NSD3: variants seen among roughly 807,000 people sequenced by gnomAD.
NSD3 encodes the protein nuclear receptor binding SET domain protein 3, also known as histone-lysine N-methyltransferase NSD3.
In NSD3, 24 loss-of-function variants were observed where a neutral mutation model predicts 160.8. The ratio of observed to expected loss-of-function variants is 0.15; its 90% confidence interval spans 0.11 to 0.21. The LOEUF (loss-of-function observed/expected upper bound fraction) is 0.21, where lower values mean the gene tolerates loss of function less well. Ranked by LOEUF, NSD3 falls within the 10% of genes least tolerant of loss-of-function variation. The pLI is 1.00. For synonymous variants in NSD3, 520 were observed against 600.0 expected (o/e 0.87, Z 1.95); for missense variants, 1,157 against 1,735.9 (o/e 0.67, Z 5.93).
In NSD3 at chr8:38,362,205, C is replaced by T. The variant is rs182549140; in HGVS notation, c.-44-13990G>A. On this transcript the variant is annotated intron_variant, in intron 1 of 23. Transcript: ENST00000317025. ...CCAGAGCCAACTATAGTGCCTGGCA[C>T]ATTATCAATAAACAAATCAATCCAA... Among the ~76,000 whole-genome samples the T allele has an allele frequency of 1.5e-3, 183 of 121,334 alleles. 1 individual carries two copies. The highest frequency in any genetic ancestry group is 5.4e-3 in the African/African-American group (167 of 30,700). The allele number at this position is 121,334 out of a possible 152,430, so 79.6% of individuals were successfully genotyped here.
At chr8:38,368,706 C>T (rs891534219) in intron 1 of NSD3, among the ~76,000 whole-genome samples, 1 of 152,162 alleles carries the variant, frequency 6.6e-6, no homozygotes, top group Non-Finnish European at 1.5e-5. Flanking sequence ...TTAACCTCAA[C>T]TGTCTTCGCT....
intron 12 of NSD3, among the ~76,000 whole-genome samples, chr8:38,313,306 T>C (rs1809577159): frequency 6.6e-6 from 1 of 152,114 alleles, no homozygotes; most frequent in Admixed American, 6.6e-5. Flanking sequence ...AAGACCATGG[T>C]AAAGAAAAAA....
intron 1 of NSD3, among the ~76,000 whole-genome samples, chr8:38,368,631 T>C (rs1350391871): frequency 2.0e-5 from 3 of 152,208 alleles, no homozygotes; most frequent in Admixed American, 6.5e-5. Context: ...CACATTACTA[T>C]TGAACTGCCT....
intron 2 of NSD3, among the ~76,000 whole-genome samples, chr8:38,343,013 G>A (rs1013932450): frequency 4.6e-5 from 7 of 151,444 alleles, no homozygotes; most frequent in East Asian, 4.0e-4. Context: ...CCAACATGGC[G>A]AAACCCCGTC....
intron 23 of NSD3, 146 bp from the exon 24 acceptor site, chr8:38,276,028 C>CT: frequency 1.2e-6 from 1 of 839,138 alleles, no homozygotes; most frequent in Non-Finnish European, 1.8e-6. Context: ...AAACATAGAT[C>CT]TGGGTGTACA....
chr8:38,284,096 G>A (rs188569753), intron 19 of NSD3, among the ~76,000 whole-genome samples: 20 of 151,926 alleles, frequency 1.3e-4, no homozygotes, highest in African/African-American at 4.6e-4. Flanking sequence ...GGGCAAGACT[G>A]TTTCAAGGAA....
At chr8:38,328,135 A>C (rs1248264565) in intron 6 of NSD3, among the ~76,000 whole-genome samples, 5 of 152,252 alleles carry the variant, frequency 3.3e-5, no homozygotes, top group African/African-American at 1.2e-4. Flanking sequence ...GCAGTGAGCT[A>C]TTATTGACCA....
At chr8:38,345,929 A>C (rs1008253748) in intron 2 of NSD3, among the ~76,000 whole-genome samples, 1 of 152,112 alleles carries the variant, frequency 6.6e-6, no homozygotes, top group Non-Finnish European at 1.5e-5. Flanking sequence ...AAAATAAAAT[A>C]AAATCTAAAC....
intron 6 of NSD3, among the ~76,000 whole-genome samples, chr8:38,327,442 C>A (rs993238932): frequency 6.6e-6 from 1 of 152,102 alleles, no homozygotes; most frequent in African/African-American, 2.4e-5. Flanking sequence ...GCAACCTCTG[C>A]CTCGTCCCAG....
chr8:38,336,106 A>G (rs1810209124), intron 4 of NSD3: 1 of 152,278 alleles, frequency 6.6e-6, no homozygotes, highest in South Asian at 2.1e-4. Context: ...GCCTTGCCAG[A>G]CATAAAGAGA....
In NSD3 at chr8:38,316,355, T is replaced by C. The variant is rs961501145; in HGVS notation, c.1856-313A>G. ...GAAAATTGCAGGATAGCTGATGGAT[T>C]TGGAGCAATTCAAAGAACCATTCAA... On this transcript the variant is annotated intron_variant, in intron 9 of 23. Coordinates refer to ENST00000317025, the MANE Select transcript of NSD3 (RefSeq NM_023034.2). The surrounding 1 kb of genome is among the most constrained non-coding windows in gnomAD (Gnocchi z 4.5). The C allele has an allele frequency of 3.7e-6, 4 of 1,094,454 alleles. No individual in the cohort carries two copies. Among genetic ancestry groups the C allele is most frequent in the Non-Finnish European group, 4.5e-6 (4 of 892,270 alleles). The allele number at this position is 1,094,454 out of a possible 1,614,324, so 67.8% of individuals were successfully genotyped here.
At chr8:38,323,208 C>T (rs558252517) in intron 7 of NSD3, among the ~76,000 whole-genome samples, 7 of 152,224 alleles carry the variant, frequency 4.6e-5, no homozygotes, top group Admixed American at 4.6e-4. Context: ...GCGTGCGCCA[C>T]CATGCCCAGC....
At chr8:38,378,358 T>C (rs1161916916) in intron 1 of NSD3, among the ~76,000 whole-genome samples, 1 of 151,850 alleles carries the variant, frequency 6.6e-6, no homozygotes, top group African/African-American at 2.4e-5. Flanking sequence ...AATACAAAAA[T>C]TGGCCGGGCA....
At position 38,329,308 on chromosome 8, in the gene NSD3, G is replaced by A; in HGVS notation, c.1581+70C>T. 2.0e-6 allele frequency: 3 copies of A among 1,515,040 alleles called. No individual in the cohort carries two copies. The highest frequency in any genetic ancestry group is 1.3e-5 in the South Asian group (1 of 77,396). The allele number at this position is 1,515,040 out of a possible 1,614,324, so 93.8% of individuals were successfully genotyped here. Reference sequence around the variant, plus strand: ...GTATTTAAATTATGCCAAGGTCATTGTTTTAAATGCCAAGGTTGACCACTT... The same window carrying A: ...GTATTTAAATTATGCCAAGGTCATTATTTTAAATGCCAAGGTTGACCACTT... On this transcript the variant is annotated intron_variant, in intron 6 of 23. Transcript: ENST00000317025. This position sits in a 1 kb window ranked among gnomAD's most constrained non-coding sequence, Gnocchi z 4.8.
intron 2 of NSD3, among the ~76,000 whole-genome samples, chr8:38,345,745 GAA>G (rs773179138): frequency 4.4e-5 from 6 of 136,670 alleles, no homozygotes; most frequent in Non-Finnish European, 3.2e-5. Flanking sequence ...GTCTCTACTT[GAA>G]AAAAAAAAAA....
intron 1 of NSD3, among the ~76,000 whole-genome samples, chr8:38,376,983 A>G (rs2150398127): frequency 6.6e-6 from 1 of 152,328 alleles, no homozygotes; most frequent in African/African-American, 2.4e-5. Context: ...TAAACAATGA[A>G]ATACTTACAA....
At chr8:38,312,798 C>A (rs1421822411) in intron 12 of NSD3, among the ~76,000 whole-genome samples, 1 of 152,164 alleles carries the variant, frequency 6.6e-6, no homozygotes, top group African/African-American at 2.4e-5. Context: ...TTCTATACAG[C>A]CTGCAGAATT....
In NSD3 at chr8:38,288,898, T is replaced by A; in HGVS notation, c.3232-142A>T. On this transcript the variant is annotated intron_variant, in intron 18 of 23. Transcript: ENST00000317025. The surrounding 1 kb of genome is among the most constrained non-coding windows in gnomAD (Gnocchi z 4.5). ...TCTTTCCTGATGAATAAGCTGAGAT[T>A]AATAACCATCTCTTTTGTCATTTAG... 9.6e-7 allele frequency: 1 copy of A among 1,041,400 alleles called. No homozygotes were observed. Among genetic ancestry groups the A allele is most frequent in the Non-Finnish European group, 1.4e-6 (1 of 734,902 alleles). 64.5% of individuals were successfully genotyped at this position (1,041,400 alleles called of 1,614,324 possible).
intron 1 of NSD3, among the ~76,000 whole-genome samples, chr8:38,359,675 C>T (rs1454985057): frequency 1.3e-5 from 2 of 152,160 alleles, no homozygotes; most frequent in Non-Finnish European, 2.9e-5. Flanking sequence ...AAAGCAATAA[C>T]CAAATTTGGT....
Sources: gnomAD v4.1 joint callset for allele counts (sites outside exome capture counted in the v4.1 genomes callset) on GRCh38, gnomAD v4.1.1 for gene constraint, Gnocchi (gnomAD v3.1) non-coding constraint, MANE v1.5 for transcripts, NCBI Gene and HGNC (gene_info 2026-07-23, HGNC 2026-07-21) for gene names.